The following REPS2 variants were observed in gnomAD, a reference collection of about 807,000 sequenced individuals.
REPS2 encodes the protein ralBP1-associated Eps domain-containing protein 2.
REPS2 carries 23 observed loss-of-function variants against 53.6 expected under a neutral mutation model. The observed-to-expected ratio is 0.43, with a 90% CI of 0.31 to 0.61. The LOEUF is 0.61. Among genes scored for constraint, REPS2 ranks in the 20% least tolerant of loss-of-function variants. The pLI is 0.11. For synonymous variants in REPS2, 238 were observed against 218.6 expected, an observed-to-expected ratio of 1.09 and a Z score of -0.78; for missense variants, 446 against 534.9, an observed-to-expected ratio of 0.83 and a Z score of 1.64.
chrX:16,966,892 C>T (rs1397099993), intron 1 of REPS2, among the ~76,000 whole-genome samples: 1 of 112,313 alleles, frequency 8.9e-6, no homozygotes, highest in Non-Finnish European at 1.9e-5. Flanking sequence ...ACATTCTTGA[C>T]AGTTTTTGTG....
At chrX:16,973,949 T>C (rs1010113800) in intron 1 of REPS2, among the ~76,000 whole-genome samples, 1 of 111,434 alleles carries the variant, frequency 9.0e-6, no homozygotes, top group Non-Finnish European at 1.9e-5. Context: ...CTAACCCATA[T>C]CTGTTTGAGA....
intron 9 of REPS2, among the ~76,000 whole-genome samples, chrX:17,065,413 A>G (rs1019212286): frequency 1.8e-5 from 2 of 112,184 alleles, no homozygotes; most frequent in Admixed American, 1.9e-4. Flanking sequence ...CCATTTGTAT[A>G]TCTTCTTTCG....
intron 1 of REPS2, among the ~76,000 whole-genome samples, chrX:16,965,713 C>G (rs779028738): frequency 2.7e-5 from 3 of 112,775 alleles, no homozygotes; most frequent in East Asian, 2.8e-4. Flanking sequence ...GGGATGGCGG[C>G]TGGGCAGAGG....
At chrX:17,006,141 T>G in intron 1 of REPS2, 80 bp from the exon 2 acceptor site, 78 of 1,102,987 alleles carry the variant, frequency 7.1e-5, no homozygotes, top group Non-Finnish European at 8.8e-5. Flanking sequence ...GTGAAATCCT[T>G]GATATTTCAT....
chrX:17,087,924 C>CGATAGATAGATAGATAGATA (rs35140640), intron 13 of REPS2, among the ~76,000 whole-genome samples: 1 of 91,280 alleles, frequency 1.1e-5, no homozygotes, highest in Non-Finnish European at 2.2e-5. Flanking sequence ...GAGACTCTGT[C>CGATAGATAGATAGATAGATA]GATAGATAGA....
chrX:17,110,809 T>C (rs1603047193), intron 14 of REPS2, among the ~76,000 whole-genome samples: 2 of 110,659 alleles, frequency 1.8e-5, no homozygotes, highest in East Asian at 5.7e-4. Flanking sequence ...AGGTCAGGAG[T>C]TCGAGACCAG....
downstream of REPS2, among the ~76,000 whole-genome samples, chrX:17,156,201 A>T (rs917607147): frequency 9.0e-6 from 1 of 111,271 alleles, no homozygotes; most frequent in Admixed American, 9.6e-5. Context: ...TCTTTCAAAC[A>T]TAGAGGGAAA....
intron 1 of REPS2, among the ~76,000 whole-genome samples, chrX:16,994,362 CAT>C (rs1211180874): frequency 2.6e-5 from 2 of 77,064 alleles, no homozygotes; most frequent in East Asian, 3.0e-4. Context: ...CACACACGTA[CAT>C]ATATATACAT....
At chrX:16,956,536 T>G (rs1258094976) in intron 1 of REPS2, among the ~76,000 whole-genome samples, 1 of 111,459 alleles carries the variant, frequency 9.0e-6, no homozygotes, top group Non-Finnish European at 1.9e-5. Context: ...CTGCTTTCGG[T>G]CAAATGACAG....
chrX:16,963,323 G>C (rs1348263600), intron 1 of REPS2, among the ~76,000 whole-genome samples: 2 of 111,925 alleles, frequency 1.8e-5, no homozygotes, highest in Admixed American at 9.4e-5. Context: ...AAATAGCTTT[G>C]TTCTGTTTTG....
chrX:17,004,987 T>C (rs904122374), intron 1 of REPS2, among the ~76,000 whole-genome samples: 1 of 111,346 alleles, frequency 9.0e-6, no homozygotes, highest in Non-Finnish European at 1.9e-5. Flanking sequence ...GCATGAGCCA[T>C]TGTGCCCGGC....
At chrX:17,102,699 C>A (rs958079950) in intron 13 of REPS2, among the ~76,000 whole-genome samples, 3 of 112,519 alleles carry the variant, frequency 2.7e-5, no homozygotes, top group South Asian at 3.7e-4. Context: ...CACCAAACTC[C>A]GTCTTCTAGC....
At chrX:17,123,104 G>A (rs2063162014) in intron 14 of REPS2, among the ~76,000 whole-genome samples, 1 of 112,054 alleles carries the variant, frequency 8.9e-6, no homozygotes, top group Non-Finnish European at 1.9e-5. Context: ...CCTTTCAATT[G>A]TGCTGCTGGT....
intron 5 of REPS2, among the ~76,000 whole-genome samples, chrX:17,039,317 A>C (rs2061802921): frequency 8.9e-6 from 1 of 112,364 alleles, no homozygotes; most frequent in African/African-American, 3.2e-5. Flanking sequence ...ACTAATGAGC[A>C]TTTCTTATGT....
chrX:17,006,359 T>A lies in REPS2; in HGVS notation c.397+15T>A. On this transcript the variant is annotated intron_variant, in intron 2 of 17. Transcript: ENST00000357277. ...TATTAAATGTGGTGAGTATCTCACA[T>A]TTGTATGTTTTATTGTCCATGGCGA... The A allele has an allele frequency of 8.3e-7, 1 of 1,201,197 alleles. No individual in the cohort carries two copies. The highest frequency in any genetic ancestry group is 1.1e-6 in the Non-Finnish European group (1 of 887,781).
chrX:16,953,639 C>T (rs1020207788), intron 1 of REPS2, among the ~76,000 whole-genome samples: 1 of 111,721 alleles, frequency 9.0e-6, no homozygotes, highest in African/African-American at 3.3e-5. Context: ...CTTGCTTTTC[C>T]TCTCATTGTT....
At chrX:17,103,835 C>T (rs778559828) in intron 14 of REPS2, 56 bp downstream of exon 14, 493 of 1,068,540 alleles carry the variant, frequency 4.6e-4, no homozygotes, top group Admixed American at 5.5e-4. Context: ...GTTGTCCTAT[C>T]GCTGTGCTTC....
chrX:17,172,362 G>A, the REPS2 span, among the ~76,000 whole-genome samples: 2 of 111,171 alleles, frequency 1.8e-5, no homozygotes, highest in East Asian at 5.7e-4. Context: ...TTGTGATAGT[G>A]AGTTCTCATG....
intron 1 of REPS2, among the ~76,000 whole-genome samples, chrX:16,965,374 C>T (rs1231237171): frequency 8.9e-6 from 1 of 112,217 alleles, no homozygotes; most frequent in Admixed American, 9.2e-5. Flanking sequence ...CTGACCCCCC[C>T]ACCTCCCTCC....
Sources: gnomAD v4.1 joint callset for allele counts (sites outside exome capture counted in the v4.1 genomes callset) on GRCh38, gnomAD v4.1.1 for gene constraint, MANE v1.5 for transcripts, NCBI Gene and HGNC (gene_info 2026-07-23, HGNC 2026-07-21) for gene names.